Variants in PARD3 observed in about 807,000 individuals in gnomAD.
PARD3 encodes par-3 family cell polarity regulator.
A neutral mutation model predicts 155.4 loss-of-function variants in PARD3; 75 were observed. The ratio of observed to expected loss-of-function variants is 0.48; its 90% CI spans 0.40 to 0.58. The LOEUF is 0.58. Ranked by LOEUF, PARD3 falls within the 20% of genes least tolerant of loss-of-function variation. The pLI is 0.00. For missense variants in PARD3, 1,642 were observed against 1,721.7 expected (o/e 0.95, Z 0.82); for synonymous variants, 576 against 610.5 (o/e 0.94, Z 0.83).
In PARD3 at chr10:34,595,924, C is replaced by T. The variant is rs61544239; in HGVS notation, c.223-78765G>A. 1.8e-3 allele frequency among the ~76,000 whole-genome samples: 271 copies of T among 152,116 alleles called. 1 individual carries two copies. The highest frequency in any genetic ancestry group is 6.3e-3 in the African/African-American group (263 of 41,492). ...GGAGGATTGCTTAAGCCTAGGAGTT[C>T]GAGACCAGCCTCCCCAACATTGTGA... On this transcript the variant is annotated intron_variant, in intron 2 of 24. Transcript: ENST00000374788.
chr10:34,598,771 AACACAGGAGACAATGCT>A (rs2089513248), intron 2 of PARD3, among the ~76,000 whole-genome samples: 1 of 152,198 alleles, frequency 6.6e-6, no homozygotes, highest in South Asian at 2.1e-4. Flanking sequence ...AAGAGCCTCT[AACACAGGAGACAATGCT>A]ACTGCCATAG....
chr10:34,783,520 C>T (rs975325121), intron 1 of PARD3, among the ~76,000 whole-genome samples: 10 of 141,464 alleles, frequency 7.1e-5, no homozygotes, highest in South Asian at 4.6e-4. Context: ...AGGAGAATGG[C>T]GTGAACCCGG....
At chr10:34,617,142 CT>C (rs752894649) in intron 2 of PARD3, among the ~76,000 whole-genome samples, 2 of 151,654 alleles carry the variant, frequency 1.3e-5, no homozygotes, top group African/African-American at 2.4e-5. Context: ...GTAATCCCAG[CT>C]ACTCAGGAGG....
chr10:34,538,050 A>G (rs572951771), intron 2 of PARD3, among the ~76,000 whole-genome samples: 5 of 152,378 alleles, frequency 3.3e-5, no homozygotes, highest in Admixed American at 3.3e-4. Context: ...AAGTGTAATA[A>G]ATGAACAAAA....
intron 2 of PARD3, among the ~76,000 whole-genome samples, chr10:34,580,880 C>T (rs2087385607): frequency 6.6e-6 from 1 of 152,192 alleles, no homozygotes; most frequent in Admixed American, 6.5e-5. Context: ...TTTGAACTGG[C>T]AAGATTTTTA....
chr10:34,203,172 AAG>A (rs777650179), intron 22 of PARD3, among the ~76,000 whole-genome samples: 3 of 151,386 alleles, frequency 2.0e-5, no homozygotes, highest in Non-Finnish European at 3.0e-5. Context: ...GGTACACTGC[AAG>A]AGAGAGAGAG....
intron 5 of PARD3, among the ~76,000 whole-genome samples, chr10:34,417,695 T>C (rs940475082): frequency 6.6e-6 from 1 of 152,232 alleles, no homozygotes; most frequent in African/African-American, 2.4e-5. Flanking sequence ...TTTACTACTG[T>C]TCAGCTTTTC....
At chr10:34,450,507 T>C (rs1421372104) in intron 4 of PARD3, 59 bp from the exon 5 acceptor site, 2 of 1,492,468 alleles carry the variant, frequency 1.3e-6, no homozygotes, top group Non-Finnish European at 1.8e-6. Flanking sequence ...AAATCAGTAA[T>C]GCACCTGGTT....
Position 34,661,702 on chromosome 10 carries a change from T to C in PARD3, c.222+34616A>G, listed in dbSNP as rs188875279. ...TGGTCCATCCATCATCTGGCCTTCA[T>C]CCAGATTCAATGGTCTATAATTAAA... On this transcript the variant is annotated intron_variant, in intron 2 of 24. Coordinates refer to ENST00000374788, the MANE Select transcript of PARD3 (RefSeq NM_001184785.2). Among the ~76,000 whole-genome samples, 682 of 152,322 alleles carry C rather than the reference T, an allele frequency of 4.5e-3. 3 individuals are homozygous for C. Among genetic ancestry groups the C allele is most frequent in the Non-Finnish European group, 7.4e-3 (506 of 68,030 alleles).
intron 1 of PARD3, among the ~76,000 whole-genome samples, chr10:34,734,313 T>A (rs1426271321): frequency 7.1e-6 from 1 of 141,548 alleles, no homozygotes; most frequent in Non-Finnish European, 1.5e-5. Flanking sequence ...ATAACAAATA[T>A]ATGGGGCCCT....
chr10:34,695,100 C>T (rs1041266331), intron 2 of PARD3, among the ~76,000 whole-genome samples: 1 of 152,156 alleles, frequency 6.6e-6, no homozygotes, highest in Admixed American at 6.5e-5. Flanking sequence ...GTCGACCAGG[C>T]CGCTGCCTCC....
Position 34,341,730 on chromosome 10 carries a change from G to A in PARD3, c.2305C>T (p.His769Tyr), listed in dbSNP as rs1392732339. 1.2e-6 allele frequency: 2 copies of A among 1,613,792 alleles called. No individual in the cohort carries two copies. ...CTGGAAGAGGACTGGTCAGAGAGAT[G>A]TGGAGGAAGCACTGGCAACCTGTCA... is the stretch of plus-strand genomic sequence containing the variant. ...EDDRLPVLPPHLSDQSSSSSH... is the reference protein window; with the variant it reads ...EDDRLPVLPPYLSDQSSSSSH... Residue 769 changes from histidine to tyrosine, a missense_variant, in exon 16 of 25, where the codon CAT (histidine) becomes TAT (tyrosine). By Grantham distance (83) the His-to-Tyr change is moderately conservative. Coordinates refer to ENST00000374788, the MANE Select transcript of PARD3 (RefSeq NM_001184785.2).
chr10:34,753,481 C>G (rs897530692), intron 1 of PARD3, among the ~76,000 whole-genome samples: 2 of 152,242 alleles, frequency 1.3e-5, no homozygotes, highest in African/African-American at 4.8e-5. Flanking sequence ...AAGGCCCACA[C>G]AAATATTTCT....
chr10:34,379,253 G>A (rs1841577237), intron 9 of PARD3, among the ~76,000 whole-genome samples: 1 of 152,092 alleles, frequency 6.6e-6, no homozygotes, highest in Non-Finnish European at 1.5e-5. Flanking sequence ...GAATAAAAAT[G>A]TAGATTAAAG....
chr10:34,292,195 A>C (rs117556294), intron 20 of PARD3, among the ~76,000 whole-genome samples: 2 of 152,228 alleles, frequency 1.3e-5, no homozygotes, highest in African/African-American at 2.4e-5. Flanking sequence ...AATTCACTGC[A>C]TGCAGTTATC....
At chr10:34,566,206 C>G (rs2085927853) in intron 2 of PARD3, among the ~76,000 whole-genome samples, 1 of 152,186 alleles carries the variant, frequency 6.6e-6, no homozygotes, top group Admixed American at 6.5e-5. Flanking sequence ...GATGGACAAA[C>G]AGGGGGGCTT....
At chr10:34,702,360 A>C (rs1181116911) in intron 1 of PARD3, among the ~76,000 whole-genome samples, 1 of 151,824 alleles carries the variant, frequency 6.6e-6, no homozygotes, top group Non-Finnish European at 1.5e-5. Context: ...CTCAGAAAAA[A>C]TAATAATAAT....
chr10:34,254,594 C>G (rs2133764189), intron 22 of PARD3, among the ~76,000 whole-genome samples: 1 of 150,344 alleles, frequency 6.7e-6, no homozygotes, highest in Admixed American at 6.6e-5. Flanking sequence ...AAATTTAGCT[C>G]TTTCCCATTT....
intron 2 of PARD3, among the ~76,000 whole-genome samples, chr10:34,544,816 T>C (rs2083913585): frequency 6.6e-6 from 1 of 152,202 alleles, no homozygotes; most frequent in Non-Finnish European, 1.5e-5. Context: ...ATTCTTACAG[T>C]AATGTTAGGA....
Sources: gnomAD v4.1 joint callset for allele counts (sites outside exome capture counted in the v4.1 genomes callset) on GRCh38, gnomAD v4.1.1 for gene constraint, MANE v1.5 for transcripts, NCBI Gene and HGNC (gene_info 2026-07-23, HGNC 2026-07-21) for gene names.